The following THSD4 variants were observed in gnomAD, a reference collection of about 807,000 sequenced individuals.
The protein encoded by THSD4 is thrombospondin type-1 domain-containing protein 4.
THSD4 carries 69 observed loss-of-function variants against 119.0 expected under a neutral mutation model. That is an observed-to-expected ratio of 0.58 (90% confidence interval 0.48 to 0.71). The LOEUF (loss-of-function observed/expected upper bound fraction) is 0.71, where lower values mean the gene tolerates loss of function less well. Ranked by LOEUF, THSD4 falls within the 30% of genes least tolerant of loss-of-function variation. THSD4 has a pLI of 0.00. For synonymous variants in THSD4, 524 were observed against 540.4 expected, an observed-to-expected ratio of 0.97 and a Z score of 0.42; for missense variants, 1,393 against 1,391.1, an observed-to-expected ratio of 1.00 and a Z score of -0.02.
At chr15:71,717,955 C>T (rs116656024) in intron 8 of THSD4, among the ~76,000 whole-genome samples, 2,230 of 152,150 alleles carry the variant, frequency 0.015, 58 homozygotes, top group African/African-American at 0.05. Flanking sequence ...TTGAGACCAG[C>T]CTGGGTAACA....
chr15:71,585,302 CT>C (rs542076999), intron 7 of THSD4, among the ~76,000 whole-genome samples: 4 of 152,134 alleles, frequency 2.6e-5, no homozygotes, highest in Admixed American at 1.3e-4. Context: ...GGGAAAATCT[CT>C]TTGTCATTGT....
At chr15:71,541,242 T>C (rs922407961) in intron 7 of THSD4, among the ~76,000 whole-genome samples, 1 of 152,320 alleles carries the variant, frequency 6.6e-6, no homozygotes, top group Admixed American at 6.5e-5. Flanking sequence ...TAAAAATATA[T>C]GAATGAGATA....
At chr15:71,387,662 A>T (rs1362725436) in intron 6 of THSD4, among the ~76,000 whole-genome samples, 1 of 152,156 alleles carries the variant, frequency 6.6e-6, no homozygotes, top group Non-Finnish European at 1.5e-5. Context: ...TTCATCCCGA[A>T]CTTGCTTTAT....
rs923064972 is a variant in THSD4, at chr15:71,454,816, A to G, written c.1152+42993A>G. 7.9e-5 allele frequency among the ~76,000 whole-genome samples: 12 copies of G among 152,356 alleles called. No homozygotes were observed. In the East Asian group the frequency reaches 1.7e-3, roughly 22 times the overall value. On this transcript the variant is annotated intron_variant, in intron 7 of 17. Transcript: ENST00000261862. ...ACTAAGGTCATTCCAAAGAGGAACA[A>G]AATTAACAAGAATTCATTACTAAGA...
chr15:71,164,649 C>T, intron 3 of THSD4: 1 of 1,476,464 alleles, frequency 6.8e-7, no homozygotes, highest in East Asian at 2.3e-5. Context: ...AGACACTGTA[C>T]AGTTTAAAAA....
intron 3 of THSD4, among the ~76,000 whole-genome samples, chr15:71,197,635 C>T (rs1011377811): frequency 2.0e-5 from 3 of 152,096 alleles, no homozygotes; most frequent in Non-Finnish European, 1.5e-5. Flanking sequence ...AGGCTTAGGA[C>T]AGCAGAGTGA....
intron 6 of THSD4, among the ~76,000 whole-genome samples, chr15:71,321,102 A>G (rs889086456): frequency 2.6e-5 from 4 of 152,228 alleles, no homozygotes; most frequent in East Asian, 1.9e-4. Context: ...CCCAAAACAC[A>G]TGATTCCCCG....
chr15:71,455,422 G>A (rs1187442044), intron 7 of THSD4, among the ~76,000 whole-genome samples: 1 of 139,806 alleles, frequency 7.2e-6, no homozygotes, highest in African/African-American at 2.8e-5. Context: ...GTGTGTGATT[G>A]GAGAGTGTTC....
At chr15:71,336,159 GC>G (rs2045487434) in intron 6 of THSD4, among the ~76,000 whole-genome samples, 2 of 152,316 alleles carry the variant, frequency 1.3e-5, no homozygotes, top group South Asian at 4.1e-4. Flanking sequence ...CCCACAAAAT[GC>G]TCAAGCTTCT....
At chr15:71,189,648 C>T (rs592798) in intron 3 of THSD4, among the ~76,000 whole-genome samples, 3,059 of 149,024 alleles carry the variant, frequency 0.021, 124 homozygotes, top group African/African-American at 0.071. Flanking sequence ...CCAGTCTGGG[C>T]GACAGAGCAA....
chr15:71,233,409 G>T (rs2044076790), intron 4 of THSD4, among the ~76,000 whole-genome samples: 1 of 151,834 alleles, frequency 6.6e-6, no homozygotes, highest in African/African-American at 2.4e-5. Context: ...GTTTCCTTTT[G>T]GTCAATTTGG....
intron 6 of THSD4, among the ~76,000 whole-genome samples, chr15:71,286,924 A>G (rs1021529438): frequency 6.6e-6 from 1 of 152,228 alleles, no homozygotes; most frequent in African/African-American, 2.4e-5. Flanking sequence ...CTTTTAAAAA[A>G]TATGCTTGTT....
chr15:71,445,100 T>C (rs2047162104), intron 7 of THSD4, among the ~76,000 whole-genome samples: 1 of 152,100 alleles, frequency 6.6e-6, no homozygotes, highest in South Asian at 2.1e-4. Context: ...CTATGGGGAA[T>C]ACCTTTTCCT....
At chr15:71,202,550 T>A (rs189107787) in intron 3 of THSD4, among the ~76,000 whole-genome samples, 72 of 152,324 alleles carry the variant, frequency 4.7e-4, no homozygotes, top group African/African-American at 1.6e-3. Flanking sequence ...CTGTTTTATT[T>A]AAACATTCCT....
chr15:71,590,977 G>A (rs1343564069), intron 7 of THSD4, among the ~76,000 whole-genome samples: 2 of 117,938 alleles, frequency 1.7e-5, no homozygotes, highest in East Asian at 2.6e-4. Flanking sequence ...CTGCATTCCA[G>A]CCTGGGCGAC....
intron 8 of THSD4, among the ~76,000 whole-genome samples, chr15:71,727,603 C>T (rs1297874836): frequency 3.0e-4 from 40 of 133,910 alleles, no homozygotes; most frequent in African/African-American, 1.1e-3. Context: ...CACACACACA[C>T]ACACACACAC....
chr15:71,213,127 C>T (rs1202439748), intron 3 of THSD4, among the ~76,000 whole-genome samples: 2 of 152,214 alleles, frequency 1.3e-5, no homozygotes, highest in East Asian at 1.9e-4. Flanking sequence ...ACTAGGGCCA[C>T]GCTCCTTCCA....
At chr15:71,657,174 AG>A (rs1453654674) in intron 7 of THSD4, among the ~76,000 whole-genome samples, 1 of 152,310 alleles carries the variant, frequency 6.6e-6, no homozygotes, top group East Asian at 1.9e-4. Context: ...TGCTCCTGTT[AG>A]ACTCAGATTC....
chr15:71,669,592 A>T (rs1030597071), intron 8 of THSD4, among the ~76,000 whole-genome samples: 5 of 152,150 alleles, frequency 3.3e-5, no homozygotes, highest in Non-Finnish European at 7.3e-5. Context: ...TTTTTATTAA[A>T]ACTTGCCCGT....
Sources: allele counts gnomAD v4.1 joint callset (sites outside exome capture counted in the v4.1 genomes callset), GRCh38; gene constraint gnomAD v4.1.1; transcripts MANE v1.5; gene names NCBI Gene and HGNC (gene_info 2026-07-23, HGNC 2026-07-21).